Variants in LY75 observed in about 807,000 individuals in gnomAD.
LY75 encodes the protein lymphocyte antigen 75, also known as C-type lectin domain family 13 member B.
In LY75, 185 loss-of-function variants were observed where a neutral mutation model predicts 231.7. The ratio of observed to expected loss-of-function variants is 0.80; its 90% CI spans 0.71 to 0.90. LY75 has a LOEUF of 0.90. LY75 is among the 40% of genes least tolerant of loss of function. The pLI, the probability that LY75 is intolerant of heterozygous loss-of-function variation, is 0.00. For synonymous variants in LY75, 668 were observed against 689.0 expected (o/e 0.97, Z 0.48); for missense variants, 1,947 against 2,050.2 (o/e 0.95, Z 0.97).
At chr2:159,874,010 G>A (rs1685099778) in intron 12 of LY75, among the ~76,000 whole-genome samples, 2 of 74,214 alleles carry the variant, frequency 2.7e-5, no homozygotes, top group South Asian at 5.5e-4. Context: ...TATATATTTT[G>A]TAAAAATACA....
At chr2:159,819,131 A>G (rs1683209992) in intron 29 of LY75, among the ~76,000 whole-genome samples, 1 of 152,212 alleles carries the variant, frequency 6.6e-6, no homozygotes, top group Admixed American at 6.5e-5. Flanking sequence ...CCAGCACTCC[A>G]CCTTTACGGG....
At chr2:159,859,050 G>T (rs780672833) in intron 15 of LY75, among the ~76,000 whole-genome samples, 14 of 152,230 alleles carry the variant, frequency 9.2e-5, no homozygotes, top group African/African-American at 1.7e-4. Context: ...ACAGAACACT[G>T]CCCTGGCTGG....
At chr2:159,886,351 G>T in intron 5 of LY75, 69 bp downstream of exon 5, 1 of 1,468,682 alleles carries the variant, frequency 6.8e-7, no homozygotes, top group Non-Finnish European at 9.1e-7. Flanking sequence ...CTAAGCTATT[G>T]GTGAGTGAGA....
intron 2 of LY75, 107 bp from the exon 3 acceptor site, chr2:159,894,191 A>G (rs1685841740): frequency 1.7e-5 from 22 of 1,332,070 alleles, no homozygotes; most frequent in Non-Finnish European, 2.2e-5. Flanking sequence ...TTAGAATACA[A>G]TATCCGAGTG....
intron 25 of LY75, 161 bp from the exon 26 acceptor site, chr2:159,835,806 A>C: frequency 1.9e-6 from 1 of 537,912 alleles, no homozygotes; most frequent in Non-Finnish European, 2.4e-6. Flanking sequence ...AATGCTTTAC[A>C]AATATTGGCT....
chr2:159,860,009 T>C (rs924994674), intron 15 of LY75, among the ~76,000 whole-genome samples: 11 of 152,216 alleles, frequency 7.2e-5, no homozygotes, highest in African/African-American at 2.7e-4. Flanking sequence ...TAATTGCTTG[T>C]TTACTTGTCT....
At chr2:159,856,834 A>C (rs1283996844) in intron 16 of LY75, among the ~76,000 whole-genome samples, 1 of 151,994 alleles carries the variant, frequency 6.6e-6, no homozygotes, top group African/African-American at 2.4e-5. Flanking sequence ...CCTTCATACT[A>C]TTTCCTCTGG....
Position 159,853,503 on chromosome 2 carries a change from G to T in LY75, c.2663+127C>A. The T allele has an allele frequency of 2.0e-6, 3 of 1,497,714 alleles. No homozygotes were observed. In the Admixed American group the frequency reaches 5.9e-5, roughly 30 times the overall value. The allele number at this position is 1,497,714 out of a possible 1,614,324, so 92.8% of individuals were successfully genotyped here. ...TGATGCTAACATGCAAAAGGGCTTG[G>T]TTTCTCTAATTTAGGCAGTTTATGG... is the stretch of plus-strand genomic sequence containing the variant. On this transcript the variant is annotated intron_variant, in intron 19 of 34. Coordinates refer to ENST00000263636, the MANE Select transcript of LY75 (RefSeq NM_002349.4).
intron 6 of LY75, among the ~76,000 whole-genome samples, chr2:159,884,880 C>A (rs553672646): frequency 1.3e-5 from 2 of 152,110 alleles, no homozygotes; most frequent in African/African-American, 2.4e-5. Context: ...GAGCCACACA[C>A]GAACAGAAGT....
chr2:159,887,566 C>CAAAAAAAAA (rs369452762), intron 4 of LY75, among the ~76,000 whole-genome samples: 238 of 103,712 alleles, frequency 2.3e-3, no homozygotes, highest in Non-Finnish European at 3.4e-3. Flanking sequence ...TCAACAACAA[C>CAAAAAAAAA]AAAAAAAAAA....
intron 29 of LY75, among the ~76,000 whole-genome samples, chr2:159,818,023 T>G (rs1683175724): frequency 2.0e-5 from 3 of 152,098 alleles, no homozygotes; most frequent in Non-Finnish European, 4.4e-5. Flanking sequence ...CACTCCAGCC[T>G]GGGTGACAGA....
At chr2:159,893,801 T>C (rs1685830166) in intron 3 of LY75, 113 bp downstream of exon 3, 1 of 1,389,254 alleles carries the variant, frequency 7.2e-7, no homozygotes. Flanking sequence ...ACACTTCTTA[T>C]CCGGGATAAT....
At chr2:159,810,042 A>AT (rs1232327469) in intron 32 of LY75, among the ~76,000 whole-genome samples, 2 of 148,846 alleles carry the variant, frequency 1.3e-5, no homozygotes, top group Non-Finnish European at 3.0e-5. Flanking sequence ...AACATTGATA[A>AT]TTTTTTTTTG....
chr2:159,815,127 A>T (rs2125830475), intron 31 of LY75, among the ~76,000 whole-genome samples: 1 of 151,546 alleles, frequency 6.6e-6, no homozygotes, highest in South Asian at 2.1e-4. Flanking sequence ...CAGCCTCCTG[A>T]CTAGCTGGGA....
At chr2:159,874,847 A>AT (rs1491574417) in intron 12 of LY75, among the ~76,000 whole-genome samples, 3 of 25,758 alleles carry the variant, frequency 1.2e-4, no homozygotes, top group Non-Finnish European at 4.5e-4. Context: ...AAATATATGT[A>AT]AATATATATA....
At chr2:159,848,940 CTT>C (rs1334393385) in intron 23 of LY75, among the ~76,000 whole-genome samples, 4 of 152,036 alleles carry the variant, frequency 2.6e-5, no homozygotes, top group African/African-American at 7.2e-5. Flanking sequence ...TTTCTTGAAA[CTT>C]TTGTTTCAAT....
chr2:159,899,507 G>C (rs1686008918), intron 1 of LY75, among the ~76,000 whole-genome samples: 1 of 152,180 alleles, frequency 6.6e-6, no homozygotes, highest in Non-Finnish European at 1.5e-5. Flanking sequence ...GTCTAGTTGG[G>C]ACCATAATTC....
At chr2:159,819,979 T>C (rs1279122711) in intron 28 of LY75, 59 bp from the exon 29 acceptor site, 1 of 1,465,320 alleles carries the variant, frequency 6.8e-7, no homozygotes, top group Non-Finnish European at 9.1e-7. Flanking sequence ...GAATTACACT[T>C]ATACAGTTAA....
At chr2:159,878,152 C>T (rs1331926593) in intron 11 of LY75, among the ~76,000 whole-genome samples, 172 bp downstream of exon 11, 2 of 152,142 alleles carry the variant, frequency 1.3e-5, no homozygotes, top group African/African-American at 2.4e-5. Flanking sequence ...TTCCCAAGGA[C>T]ATAATAGGGA....
Sources: gnomAD v4.1 joint callset for allele counts (sites outside exome capture counted in the v4.1 genomes callset) on GRCh38, gnomAD v4.1.1 for gene constraint, MANE v1.5 for transcripts, NCBI Gene and HGNC (gene_info 2026-07-23, HGNC 2026-07-21) for gene names.